The following NBEA variants were observed in gnomAD, a reference collection of about 807,000 sequenced individuals.
The protein encoded by NBEA is neurobeachin, also known as lysosomal-trafficking regulator 2.
A neutral mutation model predicts 343.4 loss-of-function variants in NBEA; 44 were observed. The ratio of observed to expected loss-of-function variants is 0.13; its 90% CI spans 0.10 to 0.16. NBEA has a LOEUF of 0.16. Ranked by LOEUF, NBEA falls within the 10% of genes least tolerant of loss-of-function variation. The pLI is 1.00. For missense variants in NBEA, 2,555 were observed against 3,631.3 expected (o/e 0.70, Z 7.62); for synonymous variants, 1,175 against 1,238.7 (o/e 0.95, Z 1.08).
intron 36 of NBEA, among the ~76,000 whole-genome samples, chr13:35,347,215 T>C (rs955124501): frequency 2.0e-5 from 3 of 152,108 alleles, no homozygotes; most frequent in Admixed American, 1.3e-4. Context: ...GTGAAGAATA[T>C]AGGAGGAATT....
intron 52 of NBEA, among the ~76,000 whole-genome samples, chr13:35,650,429 G>A (rs2084459900): frequency 6.6e-6 from 1 of 152,134 alleles, no homozygotes; most frequent in Non-Finnish European, 1.5e-5. Context: ...ACTCTTTCCT[G>A]AAAGTACCAG....
intron 41 of NBEA, among the ~76,000 whole-genome samples, chr13:35,503,653 A>G (rs2076971609): frequency 6.6e-6 from 1 of 151,998 alleles, no homozygotes. Flanking sequence ...TTGAGAATTC[A>G]TGGTTTGTTT....
chr13:35,157,314 G>A (rs1014773509), intron 21 of NBEA, 44 bp downstream of exon 21: 1 of 1,396,404 alleles, frequency 7.2e-7, no homozygotes, highest in Non-Finnish European at 9.5e-7. Flanking sequence ...AGTTATTGCA[G>A]TGGATTAAAT....
At chr13:35,403,537 A>G (rs2043099754) in intron 38 of NBEA, among the ~76,000 whole-genome samples, 1 of 152,244 alleles carries the variant, frequency 6.6e-6, no homozygotes, top group Admixed American at 6.6e-5. Flanking sequence ...GGTGCTGGGA[A>G]AACTGGCTAG....
intron 33 of NBEA, among the ~76,000 whole-genome samples, chr13:35,222,236 T>C (rs927851357): frequency 1.3e-5 from 2 of 152,136 alleles, no homozygotes; most frequent in African/African-American, 4.8e-5. Flanking sequence ...AATTTTTAAG[T>C]TGTATAAAGT....
At chr13:35,565,147 G>T (rs750182105) in intron 44 of NBEA, among the ~76,000 whole-genome samples, 16 of 152,184 alleles carry the variant, frequency 1.1e-4, no homozygotes, top group Non-Finnish European at 2.4e-4. Flanking sequence ...TAAATGCAAA[G>T]TGGAAGCAAC....
At chr13:35,262,000 A>G (rs1439764788) in intron 34 of NBEA, among the ~76,000 whole-genome samples, 2 of 152,252 alleles carry the variant, frequency 1.3e-5, no homozygotes, top group Non-Finnish European at 2.9e-5. Flanking sequence ...TAGCTAGTTC[A>G]CTTAACAGTG....
At chr13:35,002,780 A>G (rs947952122) in intron 1 of NBEA, among the ~76,000 whole-genome samples, 1 of 152,206 alleles carries the variant, frequency 6.6e-6, no homozygotes, top group African/African-American at 2.4e-5. Context: ...TCGGGATGCC[A>G]TGAACTCTTG....
intron 47 of NBEA, among the ~76,000 whole-genome samples, chr13:35,602,785 AG>A (rs1054701340): frequency 2.6e-5 from 4 of 152,152 alleles, no homozygotes; most frequent in African/African-American, 9.7e-5. Flanking sequence ...AGCCCCAGTT[AG>A]GGCCTCCTTG....
intron 18 of NBEA, 76 bp downstream of exon 18, chr13:35,142,453 A>G: frequency 2.1e-6 from 2 of 937,440 alleles, no homozygotes; most frequent in Non-Finnish European, 3.2e-6. Context: ...AATTGAGATG[A>G]GTAGTTGGTC....
At chr13:35,642,661 C>T (rs906243251) in intron 49 of NBEA, among the ~76,000 whole-genome samples, 14 of 152,096 alleles carry the variant, frequency 9.2e-5, no homozygotes, top group Admixed American at 3.9e-4. Context: ...GAGTGGTGGG[C>T]GTTACAAAAG....
chr13:35,109,669 T>G (rs2066088615), intron 12 of NBEA, among the ~76,000 whole-genome samples: 1 of 152,110 alleles, frequency 6.6e-6, no homozygotes, highest in Admixed American at 6.6e-5. Flanking sequence ...TCTAACATCT[T>G]TAGATGTGAT....
At chr13:35,387,270 G>T (rs1048834902) in intron 38 of NBEA, among the ~76,000 whole-genome samples, 13 of 152,098 alleles carry the variant, frequency 8.5e-5, no homozygotes, top group African/African-American at 2.9e-4. Context: ...ATGGGTCTTG[G>T]ATATTCAAAG....
intron 34 of NBEA, among the ~76,000 whole-genome samples, chr13:35,278,771 T>C (rs1002755239): frequency 2.1e-4 from 32 of 152,206 alleles, no homozygotes; most frequent in African/African-American, 7.7e-4. Flanking sequence ...AGCACAAGGA[T>C]TGGCAAACTA....
intron 1 of NBEA, among the ~76,000 whole-genome samples, chr13:35,031,394 A>G (rs1412947904): frequency 6.6e-6 from 1 of 151,718 alleles, no homozygotes; most frequent in Non-Finnish European, 1.5e-5. Flanking sequence ...GTGATATCTA[A>G]TAGAGTGTAT....
At chr13:35,133,143 G>A (rs1467394978) in intron 17 of NBEA, among the ~76,000 whole-genome samples, 1 of 151,654 alleles carries the variant, frequency 6.6e-6, no homozygotes, top group African/African-American at 2.4e-5. Context: ...CTAAACATAC[G>A]AAAAAAATTG....
At chr13:35,102,770 TAGTCATTTGTAGATTTTTTC>T (rs1320678260) in intron 11 of NBEA, among the ~76,000 whole-genome samples, 1 of 151,874 alleles carries the variant, frequency 6.6e-6, no homozygotes, top group East Asian at 1.9e-4. Flanking sequence ...CTATTAAATC[TAGTCATTTGTAGATTTTTTC>T]AGAAAAATTT....
At position 35,667,426 on chromosome 13, in the gene NBEA, A is replaced by G. The variant is rs2085413669; in HGVS notation, c.8517A>G (p.Glu2839=). The G allele has an allele frequency of 6.2e-7, 1 of 1,613,978 alleles. No homozygotes were observed. ...TITGDLLRAL[E]GPENCLFPRL... ...CTGGAGATTTGCTGAGAGCCCTTGA[A>G]GGACCAGAAAACTGCTTATTCCCAC... Residue 2839 remains glutamate, a synonymous_variant, in exon 57 of 59, where the codon GAA becomes GAG. Transcript: ENST00000379939.
At chr13:35,503,398 C>A (rs1594823502) in intron 41 of NBEA, among the ~76,000 whole-genome samples, 1 of 151,872 alleles carries the variant, frequency 6.6e-6, no homozygotes. Context: ...TTGTAACCCA[C>A]ATTATTCACA....
Sources: allele counts gnomAD v4.1 joint callset (sites outside exome capture counted in the v4.1 genomes callset), GRCh38; gene constraint gnomAD v4.1.1; transcripts MANE v1.5; gene names NCBI Gene and HGNC (gene_info 2026-07-23, HGNC 2026-07-21).